RANBP17: variants seen among roughly 807,000 people sequenced by gnomAD.
RANBP17 encodes the protein ran-binding protein 17.
In RANBP17, 158 loss-of-function variants were observed where a neutral mutation model predicts 141.2. That is an observed-to-expected ratio of 1.12 (90% CI 0.98 to 1.28). The LOEUF (loss-of-function observed/expected upper bound fraction) is 1.28. Among genes scored for constraint, RANBP17 ranks in the 50% most tolerant of loss-of-function variants. RANBP17 has a pLI of 0.00. For missense variants in RANBP17, 1,438 were observed against 1,290.7 expected, an observed-to-expected ratio of 1.11 and a Z score of -1.75; for synonymous variants, 430 against 450.0, an observed-to-expected ratio of 0.96 and a Z score of 0.56.
chr5:170,877,345 A>G (rs2127346971), intron 1 of RANBP17, among the ~76,000 whole-genome samples: 1 of 152,188 alleles, frequency 6.6e-6, no homozygotes, highest in Admixed American at 6.5e-5. Flanking sequence ...GGCTCACTGC[A>G]GTCTCAAGCT....
chr5:171,089,241 G>A (rs1052128093), intron 14 of RANBP17, among the ~76,000 whole-genome samples: 1 of 107,632 alleles, frequency 9.3e-6, no homozygotes, highest in South Asian at 4.5e-4. Context: ...GTGTGCCCCT[G>A]CTGGGGGGGG....
At chr5:170,945,813 G>T (rs973605) in intron 12 of RANBP17, among the ~76,000 whole-genome samples, 93,007 of 151,798 alleles carry the variant, frequency 0.61, 29,851 homozygotes, top group South Asian at 0.89. Flanking sequence ...GTCTTGTTTT[G>T]GGAATCAAAA....
intron 25 of RANBP17, among the ~76,000 whole-genome samples, chr5:171,290,229 C>T (rs550737771): frequency 2.0e-5 from 3 of 151,336 alleles, no homozygotes; most frequent in East Asian, 2.0e-4. Context: ...ATTAGCCGGG[C>T]GTGGTGGCAC....
At chr5:170,939,066 TAACTC>T (rs1336948142) in intron 12 of RANBP17, among the ~76,000 whole-genome samples, 1 of 151,712 alleles carries the variant, frequency 6.6e-6, no homozygotes, top group East Asian at 2.0e-4. Flanking sequence ...ACTGGACTGA[TAACTC>T]AACTTCTCAA....
chr5:170,892,534 A>T lies in RANBP17; in HGVS notation c.404A>T (p.Asp135Val). 1 of 1,613,684 alleles carries T rather than the reference A, an allele frequency of 6.2e-7. No homozygotes were observed. The highest frequency in any genetic ancestry group is 1.3e-5 in the African/African-American group (1 of 75,030). The change falls in exon 4 of 28, where the codon GAT becomes GTT. Residue 135 changes from aspartate to valine, a missense_variant. Transcript: ENST00000523189. Reference protein sequence around the residue: ...DQFVFREIIADVKKFLQGTVE... With the variant: ...DQFVFREIIAVVKKFLQGTVE... ...TTTGTCTTCAGAGAAATTATTGCTG[A>T]TGTGAAGAAGTTTCTCCAGGTAAGA...
At chr5:170,919,993 G>A (rs1772299733) in intron 11 of RANBP17, among the ~76,000 whole-genome samples, 1 of 151,876 alleles carries the variant, frequency 6.6e-6, no homozygotes, top group Admixed American at 6.6e-5. Flanking sequence ...TGTTGTGTTA[G>A]TACTTTACTT....
Position 170,945,343 on chromosome 5 carries a change from T to C in RANBP17, c.1469-8254T>C, listed in dbSNP as rs142878625. On this transcript the variant is annotated intron_variant, in intron 12 of 27. Coordinates refer to ENST00000523189, the MANE Select transcript of RANBP17 (RefSeq NM_022897.5). ...GGATGTTACATATTGGTATGTCTTA[T>C]GTTTTTTTGTAGGTATGATACAGAA... Among the ~76,000 whole-genome samples, 388 of 152,316 alleles carry C rather than the reference T, an allele frequency of 2.5e-3. 10 individuals carry two copies. The East Asian group carries it at 0.061, about 24-fold the overall frequency.
chr5:171,072,899 T>C (rs1784709768), intron 14 of RANBP17, among the ~76,000 whole-genome samples: 1 of 152,120 alleles, frequency 6.6e-6, no homozygotes, highest in South Asian at 2.1e-4. Context: ...TGGAGTGAGT[T>C]GGTTATTCCT....
At chr5:171,059,485 G>A (rs1272824916) in intron 14 of RANBP17, among the ~76,000 whole-genome samples, 22 of 151,726 alleles carry the variant, frequency 1.4e-4, no homozygotes, top group African/African-American at 3.6e-4. Context: ...GATATGCAGC[G>A]TTATTTCTGA....
intron 5 of RANBP17, among the ~76,000 whole-genome samples, chr5:170,901,585 C>A (rs978550250): frequency 3.3e-5 from 5 of 152,156 alleles, no homozygotes; most frequent in Non-Finnish European, 7.3e-5. Context: ...GGTTATTATG[C>A]CTGATAGTTG....
At chr5:170,963,002 T>G (rs1353773485) in intron 13 of RANBP17, among the ~76,000 whole-genome samples, 1 of 152,190 alleles carries the variant, frequency 6.6e-6, no homozygotes, top group Non-Finnish European at 1.5e-5. Context: ...CTTAGAAATA[T>G]GAATTTTTAT....
intron 4 of RANBP17, among the ~76,000 whole-genome samples, chr5:170,894,883 C>T (rs1281752864): frequency 6.6e-5 from 10 of 152,122 alleles, no homozygotes; most frequent in Admixed American, 6.5e-4. Flanking sequence ...GACAAAAAAG[C>T]CAGCTGACCT....
chr5:170,885,867 C>A (rs1166928819), intron 3 of RANBP17, among the ~76,000 whole-genome samples: 4 of 106,840 alleles, frequency 3.7e-5, no homozygotes, highest in Admixed American at 3.2e-4. Context: ...TCACTCTCCA[C>A]CTTTTTTTTT....
At chr5:171,174,674 A>G (rs1760315145) in intron 16 of RANBP17, among the ~76,000 whole-genome samples, 1 of 151,326 alleles carries the variant, frequency 6.6e-6, no homozygotes, top group Non-Finnish European at 1.5e-5. Context: ...AGGAAATTTC[A>G]TTCTCTATCA....
intron 14 of RANBP17, among the ~76,000 whole-genome samples, chr5:171,165,342 C>T (rs970404426): frequency 6.6e-6 from 1 of 152,056 alleles, no homozygotes; most frequent in Non-Finnish European, 1.5e-5. Flanking sequence ...CCACGACGCT[C>T]GGCTAATTTT....
In RANBP17 at chr5:171,100,164, G is replaced by A. The variant is rs564336647; in HGVS notation, c.1711-69966G>A. Among the ~76,000 whole-genome samples, 730 of 152,288 alleles carry A rather than the reference G, an allele frequency of 4.8e-3. 5 individuals carry two copies. The highest frequency in any genetic ancestry group is 0.017 in the African/African-American group (702 of 41,558). ...CCCTCTTTTTCTATTGTTTGGAATC[G>A]TTTCAGAAGGAATGGTACCAGCTCC... On this transcript the variant is annotated intron_variant, in intron 14 of 27. Coordinates refer to ENST00000523189, the MANE Select transcript of RANBP17 (RefSeq NM_022897.5).
At chr5:171,055,211 A>G (rs1213879570) in intron 14 of RANBP17, among the ~76,000 whole-genome samples, 1 of 152,168 alleles carries the variant, frequency 6.6e-6, no homozygotes, top group African/African-American at 2.4e-5. Context: ...TAGAATACTG[A>G]TCCAGATTTT....
chr5:171,134,087 A>G (rs1757106012), intron 14 of RANBP17, among the ~76,000 whole-genome samples: 1 of 152,230 alleles, frequency 6.6e-6, no homozygotes, highest in South Asian at 2.1e-4. Flanking sequence ...CTAAAGTCCT[A>G]AATGGAATAT....
chr5:171,095,698 A>G (rs1786637684), intron 14 of RANBP17, among the ~76,000 whole-genome samples: 1 of 152,142 alleles, frequency 6.6e-6, no homozygotes. Context: ...CGTGGATTGT[A>G]TAAAGATCAG....
Sources: gnomAD v4.1 joint callset for allele counts (sites outside exome capture counted in the v4.1 genomes callset) on GRCh38, gnomAD v4.1.1 for gene constraint, MANE v1.5 for transcripts, NCBI Gene and HGNC (gene_info 2026-07-23, HGNC 2026-07-21) for gene names.